The following NCKAP5 variants were observed in gnomAD, a reference collection of about 807,000 sequenced individuals.
The protein encoded by NCKAP5 is NCK associated protein 5, also known as nck-associated protein 5.
In NCKAP5, 92 loss-of-function variants were observed where a neutral mutation model predicts 167.0. That is an observed-to-expected ratio of 0.55 (90% CI 0.47 to 0.66). NCKAP5 has a LOEUF of 0.66. Ranked by LOEUF, NCKAP5 falls within the 30% of genes least tolerant of loss-of-function variation. NCKAP5 has a pLI of 0.00. For missense variants in NCKAP5, 2,378 were observed against 2,315.0 expected, an observed-to-expected ratio of 1.03 and a Z score of -0.56; for synonymous variants, 891 against 877.4, an observed-to-expected ratio of 1.02 and a Z score of -0.27.
intron 2 of NCKAP5, among the ~76,000 whole-genome samples, chr2:133,536,288 T>C (rs1380532693): frequency 6.6e-6 from 1 of 152,166 alleles, no homozygotes; most frequent in Non-Finnish European, 1.5e-5. Flanking sequence ...CTTAAATCTT[T>C]AATCCATCTT....
At chr2:133,278,370 C>G (rs777532547) in intron 4 of NCKAP5, among the ~76,000 whole-genome samples, 13 of 152,100 alleles carry the variant, frequency 8.5e-5, no homozygotes, top group Non-Finnish European at 1.8e-4. Flanking sequence ...TAGAGGCTGC[C>G]TACATTCCTT....
chr2:133,026,059 T>A (rs558054622), intron 6 of NCKAP5, among the ~76,000 whole-genome samples: 9 of 152,340 alleles, frequency 5.9e-5, no homozygotes, highest in South Asian at 2.1e-4. Context: ...TGAGATGGTA[T>A]CTCATTGTGA....
chr2:133,652,906 A>T, the NCKAP5 span, among the ~76,000 whole-genome samples: 1 of 152,230 alleles, frequency 6.6e-6, no homozygotes, highest in Non-Finnish European at 1.5e-5. Flanking sequence ...TCGATTGACA[A>T]GTCCACCTCA....
At chr2:133,573,490 C>T in the NCKAP5 span, among the ~76,000 whole-genome samples, 3 of 152,110 alleles carry the variant, frequency 2.0e-5, no homozygotes, top group Non-Finnish European at 4.4e-5. Context: ...TTTTGAGAAA[C>T]TACCTGGAAC....
chr2:133,458,636 C>T (rs753047477), intron 3 of NCKAP5, among the ~76,000 whole-genome samples: 7 of 152,018 alleles, frequency 4.6e-5, no homozygotes, highest in South Asian at 4.2e-4. Flanking sequence ...AAAAGTAAGC[C>T]CCCAAGAAAG....
rs1363141170 is a variant in NCKAP5 at position 133,464,721 on chromosome 2, G to A, written c.69+52737C>T. ...ATAAACAAATGAATAAATAAATGTGGAAATAAGTTAATGAGGAGTAGCCTG... is the reference window on the plus strand; with the variant it reads ...ATAAACAAATGAATAAATAAATGTGAAAATAAGTTAATGAGGAGTAGCCTG... On this transcript the variant is annotated intron_variant, in intron 3 of 19. Transcript: ENST00000409261. Among the ~76,000 whole-genome samples, 4 of 152,280 alleles carry A rather than the reference G, an allele frequency of 2.6e-5. No individual in the cohort carries two copies. In the East Asian group the frequency reaches 7.7e-4, roughly 29 times the overall value.
intron 10 of NCKAP5, among the ~76,000 whole-genome samples, chr2:132,868,186 T>C (rs1479916506): frequency 6.6e-6 from 1 of 152,160 alleles, no homozygotes; most frequent in Admixed American, 6.5e-5. Context: ...ATTTCACAGA[T>C]AGAAATCAAA....
At chr2:132,992,635 A>G (rs2077481005) in intron 7 of NCKAP5, among the ~76,000 whole-genome samples, 1 of 152,210 alleles carries the variant, frequency 6.6e-6, no homozygotes, top group African/African-American at 2.4e-5. Flanking sequence ...TTTGTACCAA[A>G]GCAGTTATAA....
the NCKAP5 span, among the ~76,000 whole-genome samples, chr2:133,629,089 C>T: frequency 1.3e-3 from 195 of 152,154 alleles, 1 homozygote; most frequent in African/African-American, 4.3e-3. Context: ...AAAGATTTCA[C>T]GATAAAAATA....
chr2:133,583,803 G>C, the NCKAP5 span, among the ~76,000 whole-genome samples: 1 of 151,934 alleles, frequency 6.6e-6, no homozygotes, highest in Non-Finnish European at 1.5e-5. Context: ...GCCCAGGCTG[G>C]AATGTAGTGG....
rs75006671 is a variant in NCKAP5, at chr2:133,082,549, C to T, written c.341+47429G>A. ...CTGACCTGGGACCTCCTTCCTGTTT[C>T]CTTGGCTGGTGCCAGCATTTCCATC... On this transcript the variant is annotated intron_variant, in intron 6 of 19. Coordinates refer to ENST00000409261, the MANE Select transcript of NCKAP5 (RefSeq NM_207363.3). 2.1e-4 allele frequency among the ~76,000 whole-genome samples: 32 copies of T among 152,276 alleles called. 1 individual carries two copies. In the East Asian group the frequency reaches 6.0e-3, roughly 29 times the overall value.
chr2:133,671,246 A>G, the NCKAP5 span, among the ~76,000 whole-genome samples: 2 of 151,560 alleles, frequency 1.3e-5, no homozygotes. Flanking sequence ...AAAAGAAAGA[A>G]ACAAAGATGC....
chr2:133,005,294 G>T (rs557922938), intron 6 of NCKAP5, among the ~76,000 whole-genome samples: 38 of 152,270 alleles, frequency 2.5e-4, no homozygotes, highest in African/African-American at 9.1e-4. Flanking sequence ...AATTATTAAA[G>T]TATTAATTTG....
At chr2:133,364,660 TTGAC>T (rs1448323218) in intron 3 of NCKAP5, among the ~76,000 whole-genome samples, 4 of 152,192 alleles carry the variant, frequency 2.6e-5, no homozygotes, top group African/African-American at 9.7e-5. Flanking sequence ...TTTTCAGAAT[TTGAC>T]TGAGGCTGTG....
intron 3 of NCKAP5, among the ~76,000 whole-genome samples, chr2:133,374,138 C>G (rs1221100560): frequency 2.0e-5 from 3 of 152,156 alleles, no homozygotes; most frequent in African/African-American, 7.2e-5. Context: ...AACGGATAAA[C>G]TGTGGTACAT....
intron 3 of NCKAP5, among the ~76,000 whole-genome samples, chr2:133,442,055 A>C (rs970267368): frequency 1.3e-5 from 2 of 152,204 alleles, no homozygotes; most frequent in African/African-American, 4.8e-5. Context: ...ACACGGACAG[A>C]GTGCAATGTC....
At chr2:132,807,843 A>C (rs1309825451) in intron 11 of NCKAP5, among the ~76,000 whole-genome samples, 7 of 152,048 alleles carry the variant, frequency 4.6e-5, no homozygotes, top group Non-Finnish European at 1.0e-4. Flanking sequence ...CAGTTCTTAG[A>C]GGGAATGATT....
intron 11 of NCKAP5, among the ~76,000 whole-genome samples, chr2:132,838,932 T>G (rs1688094852): frequency 6.6e-6 from 1 of 152,244 alleles, no homozygotes; most frequent in African/African-American, 2.4e-5. Context: ...ATTTAGTTGT[T>G]ACATAAACTT....
the NCKAP5 span, among the ~76,000 whole-genome samples, chr2:133,631,996 G>A: frequency 6.6e-6 from 1 of 152,312 alleles, no homozygotes; most frequent in East Asian, 1.9e-4. Context: ...CTAAATTTCA[G>A]TAAATGATTC....
Sources: gnomAD v4.1 joint callset for allele counts (sites outside exome capture counted in the v4.1 genomes callset) on GRCh38, gnomAD v4.1.1 for gene constraint, MANE v1.5 for transcripts, NCBI Gene and HGNC (gene_info 2026-07-23, HGNC 2026-07-21) for gene names.